USH2A: variants seen among roughly 807,000 people sequenced by gnomAD.
USH2A encodes the protein Usher syndrome 2A (autosomal recessive, mild).
Under a neutral mutation model 538.9 loss-of-function variants are expected in USH2A, and 443 were observed. The observed-to-expected ratio is 0.82, with a 90% CI of 0.76 to 0.89. USH2A has a LOEUF of 0.89. Among genes scored for constraint, USH2A ranks in the 40% least tolerant of loss-of-function variants. USH2A has a pLI of 0.00. For synonymous variants in USH2A, 2,413 were observed against 2,273.5 expected, an observed-to-expected ratio of 1.06 and a Z score of -1.75; for missense variants, 6,633 against 6,324.8, an observed-to-expected ratio of 1.05 and a Z score of -1.65.
chr1:215,902,341 T>C (rs1159184021), intron 38 of USH2A, among the ~76,000 whole-genome samples: 1 of 152,182 alleles, frequency 6.6e-6, no homozygotes, highest in Non-Finnish European at 1.5e-5. Context: ...ACAGAAGAAT[T>C]AGATTACATG....
At chr1:215,681,569 C>T (rs931509924) in intron 61 of USH2A, among the ~76,000 whole-genome samples, 7 of 152,004 alleles carry the variant, frequency 4.6e-5, no homozygotes, top group African/African-American at 1.5e-4. Context: ...AAAGTAGGCA[C>T]CCAAGAACAT....
intron 9 of USH2A, among the ~76,000 whole-genome samples, chr1:216,307,199 A>G (rs2037334029): frequency 6.6e-6 from 1 of 152,064 alleles, no homozygotes; most frequent in African/African-American, 2.4e-5. Context: ...GGTCAGGGTT[A>G]GGTGTGTCTG....
chr1:215,727,695 A>G (rs1240137418), intron 61 of USH2A, among the ~76,000 whole-genome samples: 1 of 151,900 alleles, frequency 6.6e-6, no homozygotes, highest in Non-Finnish European at 1.5e-5. Flanking sequence ...ACTCCACTCC[A>G]GTTTGGGTGA....
intron 55 of USH2A, among the ~76,000 whole-genome samples, chr1:215,774,087 G>A (rs1307772739): frequency 2.6e-5 from 4 of 151,976 alleles, no homozygotes; most frequent in Admixed American, 1.3e-4. Flanking sequence ...CATTTGTACT[G>A]TCCATTTTCT....
intron 9 of USH2A, among the ~76,000 whole-genome samples, chr1:216,307,042 A>G (rs1350075355): frequency 6.6e-6 from 1 of 151,880 alleles, no homozygotes; most frequent in Non-Finnish European, 1.5e-5. Context: ...TCAAGAGAGC[A>G]TCAACGGCAG....
At chr1:215,994,906 G>A (rs1668097762) in intron 34 of USH2A, among the ~76,000 whole-genome samples, 1 of 151,900 alleles carries the variant, frequency 6.6e-6, no homozygotes, top group Non-Finnish European at 1.5e-5. Flanking sequence ...GTTATCAAAG[G>A]AAAAATGGTC....
At chr1:215,815,219 C>T (rs1662825191) in intron 48 of USH2A, among the ~76,000 whole-genome samples, 1 of 151,900 alleles carries the variant, frequency 6.6e-6, no homozygotes, top group South Asian at 2.1e-4. Flanking sequence ...TTGTTTAAGG[C>T]ATCATTAAAT....
intron 19 of USH2A, among the ~76,000 whole-genome samples, chr1:216,194,403 T>C (rs1431462780): frequency 6.6e-6 from 1 of 152,160 alleles, no homozygotes; most frequent in Non-Finnish European, 1.5e-5. Context: ...TGGATCTTGC[T>C]GGTCGCCATC....
intron 3 of USH2A, among the ~76,000 whole-genome samples, chr1:216,407,088 T>G (rs1184921417): frequency 2.0e-5 from 3 of 152,004 alleles, no homozygotes; most frequent in Non-Finnish European, 4.4e-5. Flanking sequence ...CTCTCCTCCT[T>G]CCTTCTTTTC....
chr1:215,682,156 TTAA>T (rs1658254298), intron 61 of USH2A, among the ~76,000 whole-genome samples: 1 of 152,126 alleles, frequency 6.6e-6, no homozygotes, highest in Non-Finnish European at 1.5e-5. Context: ...ATGGGCAAGA[TTAA>T]TAATGCAAAA....
intron 70 of USH2A, among the ~76,000 whole-genome samples, chr1:215,632,868 C>G (rs1656330974): frequency 6.6e-6 from 1 of 152,164 alleles, no homozygotes; most frequent in Non-Finnish European, 1.5e-5. Context: ...ATTCACTGAA[C>G]AGGAGCAAAC....
At position 216,321,067 on chromosome 1, in the gene USH2A, C is replaced by T. The variant is rs138975505; in HGVS notation, c.1644+816G>A. Among the ~76,000 whole-genome samples the T allele has an allele frequency of 6.7e-4, 102 of 152,150 alleles. No homozygotes were observed. The East Asian group carries it at 0.018, about 27-fold the overall frequency. ...TTAATATATTTATAGTTATTTTTCA[C>T]TAAAAGTTTAAGCCACATACATTTT... On this transcript the variant is annotated intron_variant, in intron 9 of 71. Coordinates refer to ENST00000307340, the MANE Select transcript of USH2A (RefSeq NM_206933.4).
At chr1:216,268,784 A>G (rs1038427891) in intron 11 of USH2A, among the ~76,000 whole-genome samples, 1 of 152,040 alleles carries the variant, frequency 6.6e-6, no homozygotes, top group East Asian at 1.9e-4. Context: ...TTTCCACATG[A>G]CTAACTCCTT....
intron 20 of USH2A, among the ~76,000 whole-genome samples, chr1:216,180,892 C>G (rs1316296361): frequency 6.6e-6 from 1 of 152,060 alleles, no homozygotes; most frequent in African/African-American, 2.4e-5. Context: ...GGGCACTGGA[C>G]CAGGACGCAA....
chr1:216,259,051 C>G (rs1558348710), intron 11 of USH2A, among the ~76,000 whole-genome samples: 1 of 152,026 alleles, frequency 6.6e-6, no homozygotes, highest in Non-Finnish European at 1.5e-5. Context: ...AAATGGAAAA[C>G]CATGGATCAA....
At chr1:216,352,128 T>A (rs2038299085) in intron 4 of USH2A, among the ~76,000 whole-genome samples, 1 of 151,876 alleles carries the variant, frequency 6.6e-6, no homozygotes, top group Non-Finnish European at 1.5e-5. Context: ...GTGGGGAGAT[T>A]TATATTTGGA....
intron 46 of USH2A, among the ~76,000 whole-genome samples, chr1:215,840,071 G>A (rs997824781): frequency 2.1e-5 from 3 of 142,770 alleles, no homozygotes; most frequent in African/African-American, 5.2e-5. Flanking sequence ...GCTGAGGCAC[G>A]AGAATCTCTT....
At chr1:215,654,243 C>T (rs1657172350) in intron 64 of USH2A, among the ~76,000 whole-genome samples, 1 of 152,166 alleles carries the variant, frequency 6.6e-6, no homozygotes, top group Admixed American at 6.5e-5. Context: ...CATAGGTATA[C>T]ATGTGCCATG....
At chr1:215,794,545 G>A (rs1662072413) in intron 50 of USH2A, among the ~76,000 whole-genome samples, 1 of 152,132 alleles carries the variant, frequency 6.6e-6, no homozygotes, top group Non-Finnish European at 1.5e-5. Flanking sequence ...AGGAGTGAAC[G>A]GCAGCAGAGA....
Sources: gnomAD v4.1 joint callset for allele counts (sites outside exome capture counted in the v4.1 genomes callset) on GRCh38, gnomAD v4.1.1 for gene constraint, MANE v1.5 for transcripts, NCBI Gene and HGNC (gene_info 2026-07-23, HGNC 2026-07-21) for gene names.